Variants in PCSK5 observed in about 807,000 individuals in gnomAD.
The protein encoded by PCSK5 is proprotein convertase subtilisin/kexin type 5.
A neutral mutation model predicts 233.2 loss-of-function variants in PCSK5; 129 were observed. The observed-to-expected ratio is 0.55, with a 90% CI of 0.48 to 0.64. The LOEUF is 0.64. Ranked by LOEUF, PCSK5 falls within the 30% of genes least tolerant of loss-of-function variation. The pLI is 0.00. For missense variants in PCSK5, 2,076 were observed against 2,430.1 expected (o/e 0.85, Z 3.06); for synonymous variants, 825 against 879.2 (o/e 0.94, Z 1.09).
rs544636667 is a variant in PCSK5 at position 76,268,624 on chromosome 9, G to A, written c.3143-23609G>A. ...TTTGGGAGGCTGAGGTGGACAGATC[G>A]CTTGAGCCCAGGAGTTTGAGACCCG... On this transcript the variant is annotated intron_variant, in intron 24 of 37. Coordinates refer to ENST00000674117, the MANE Select transcript of PCSK5 (RefSeq NM_001372043.1). Among the ~76,000 whole-genome samples the A allele has an allele frequency of 7.9e-5, 12 of 152,214 alleles. No homozygotes were observed. The East Asian group carries it at 2.1e-3, about 27-fold the overall frequency.
chr9:76,272,546 G>A (rs373955330), intron 24 of PCSK5, among the ~76,000 whole-genome samples: 69 of 151,886 alleles, frequency 4.5e-4, no homozygotes, highest in African/African-American at 1.5e-3. Context: ...AGGCTGAGAC[G>A]GGCGGATCAC....
rs7865581 is a variant in PCSK5, at chr9:76,171,490, C to G, written c.1756+1650C>G. Reference sequence around the variant, plus strand: ...AACGTGACTCTGTTCTTTATTACCACCAGACACCAGAAATTCTACTCTCCA... The same window carrying G: ...AACGTGACTCTGTTCTTTATTACCAGCAGACACCAGAAATTCTACTCTCCA... On this transcript the variant is annotated intron_variant, in intron 13 of 37. Coordinates refer to ENST00000674117, the MANE Select transcript of PCSK5 (RefSeq NM_001372043.1). Among the ~76,000 whole-genome samples the G allele has an allele frequency of 3.4e-3, 520 of 152,326 alleles. 4 individuals carry two copies. The highest frequency in any genetic ancestry group is 0.012 in the African/African-American group (490 of 41,574).
At chr9:76,239,695 C>CAAAAAAAA in intron 23 of PCSK5, among the ~76,000 whole-genome samples, 1 of 111,152 alleles carries the variant, frequency 9.0e-6, no homozygotes, top group Non-Finnish European at 1.8e-5. Flanking sequence ...GACTCCATCT[C>CAAAAAAAA]AAAAAAAAAA....
chr9:76,112,102 A>G (rs1832242314), intron 9 of PCSK5, among the ~76,000 whole-genome samples: 1 of 152,184 alleles, frequency 6.6e-6, no homozygotes, highest in African/African-American at 2.4e-5. Context: ...AAATACAAAA[A>G]TTAAGTTCAT....
chr9:76,172,046 G>T (rs1014837816), intron 13 of PCSK5, among the ~76,000 whole-genome samples: 1 of 152,160 alleles, frequency 6.6e-6, no homozygotes, highest in African/African-American at 2.4e-5. Context: ...TAAGCGAATA[G>T]AAATTCAGTT....
At chr9:76,057,127 A>G (rs1263851889) in intron 5 of PCSK5, among the ~76,000 whole-genome samples, 1 of 152,174 alleles carries the variant, frequency 6.6e-6, no homozygotes, top group Non-Finnish European at 1.5e-5. Context: ...AGTATTCTAG[A>G]TGCTCATACT....
At chr9:76,001,413 GA>G (rs1178031594) in intron 3 of PCSK5, among the ~76,000 whole-genome samples, 2 of 126,296 alleles carry the variant, frequency 1.6e-5, no homozygotes, top group East Asian at 2.6e-4. Context: ...TAGTCCTCCA[GA>G]AAAAAAATCT....
rs77118806 is a variant in PCSK5, at chr9:75,967,528, C to T, written c.298-18604C>T. On this transcript the variant is annotated intron_variant, in intron 2 of 37. Transcript: ENST00000674117. ...GCAGCTATGATGTACCTTAAGGGAACAGCTTTCACAAACAGTCCTTGAGGA... is the reference window on the plus strand; with the variant it reads ...GCAGCTATGATGTACCTTAAGGGAATAGCTTTCACAAACAGTCCTTGAGGA... Among the ~76,000 whole-genome samples the T allele has an allele frequency of 1.4e-4, 21 of 152,290 alleles. No homozygotes were observed. The East Asian group carries it at 4.1e-3, about 29-fold the overall frequency.
chr9:76,084,162 G>A lies in PCSK5; in HGVS notation c.895-11728G>A, dbSNP rs557911424. On this transcript the variant is annotated intron_variant, in intron 7 of 37. Coordinates refer to ENST00000674117, the MANE Select transcript of PCSK5 (RefSeq NM_001372043.1). ...TAACAAAGCTAAGACTTGGTTTGCC[G>A]AGTGTACCCAATATAATATCATCCA... Among the ~76,000 whole-genome samples, 20 of 152,266 alleles carry A rather than the reference G, an allele frequency of 1.3e-4. No homozygotes were observed. The South Asian group carries it at 2.1e-3, about 16-fold the overall frequency.
At position 76,180,764 on chromosome 9, in the gene PCSK5, A is replaced by G. The variant is rs368604769; in HGVS notation, c.2004-634A>G. The stretch of plus-strand genomic sequence containing the variant: ...TTTAAATTCCTTAAGAGAAAGGAGG[A>G]CTTTGGCTATCTCCCAGCCTCTGTT... On this transcript the variant is annotated intron_variant, in intron 15 of 37. Transcript: ENST00000674117. 3.9e-5 allele frequency among the ~76,000 whole-genome samples: 6 copies of G among 152,254 alleles called. No homozygotes were observed. The East Asian group carries it at 5.8e-4, about 15-fold the overall frequency.
intron 20 of PCSK5, among the ~76,000 whole-genome samples, chr9:76,197,660 A>G (rs1240797777): frequency 6.6e-6 from 1 of 152,074 alleles, no homozygotes; most frequent in East Asian, 1.9e-4. Context: ...CAGAAATTGC[A>G]TATTGGAGGC....
chr9:75,907,864 G>T (rs1283605001), intron 1 of PCSK5, among the ~76,000 whole-genome samples: 1 of 152,170 alleles, frequency 6.6e-6, no homozygotes, highest in East Asian at 1.9e-4. Flanking sequence ...AAAACAGTCA[G>T]GTTTGGTGCG....
At chr9:76,214,269 T>C (rs1332311611) in intron 20 of PCSK5, among the ~76,000 whole-genome samples, 5 of 150,950 alleles carry the variant, frequency 3.3e-5, no homozygotes, top group Admixed American at 2.7e-4. Flanking sequence ...TAGGATTGCA[T>C]GTTTGACTTT....
At chr9:76,157,312 G>A (rs898706339) in intron 11 of PCSK5, 150 bp downstream of exon 11, 1 of 619,394 alleles carries the variant, frequency 1.6e-6, no homozygotes, top group East Asian at 2.7e-5. Flanking sequence ...AGAACGGCTA[G>A]GATTCTGAGC....
chr9:76,272,769 A>G (rs1306854218), intron 24 of PCSK5, among the ~76,000 whole-genome samples: 1 of 88,464 alleles, frequency 1.1e-5, no homozygotes, highest in Non-Finnish European at 2.1e-5. Flanking sequence ...GTGAGACTCC[A>G]TCTCAAAAAA....
At position 76,067,256 on chromosome 9, in the gene PCSK5, AT is replaced by A. The variant is rs778354477; in HGVS notation, c.633-692del. Among the ~76,000 whole-genome samples, 5 of 152,316 alleles carry A rather than the reference AT, an allele frequency of 3.3e-5. No individual in the cohort carries two copies. In the East Asian group the frequency reaches 7.7e-4, roughly 23 times the overall value. ...ACAGAGAATGCTTTTTCTGTAAATAATTTTTTTAATTTTCTAGTATCCACAT... is the reference window on the plus strand; with the variant it reads ...ACAGAGAATGCTTTTTCTGTAAATAATTTTTTAATTTTCTAGTATCCACAT... On this transcript the variant is annotated intron_variant, in intron 5 of 37. Coordinates refer to ENST00000674117, the MANE Select transcript of PCSK5 (RefSeq NM_001372043.1).
intron 21 of PCSK5, among the ~76,000 whole-genome samples, chr9:76,230,322 TGG>T (rs1467832889): frequency 2.6e-5 from 4 of 152,184 alleles, no homozygotes; most frequent in Non-Finnish European, 4.4e-5. Context: ...ATGGAGGGAA[TGG>T]TTTAAAGCAT....
chr9:76,143,728 C>CT (rs11382449), intron 10 of PCSK5, among the ~76,000 whole-genome samples: 48,277 of 141,860 alleles, frequency 0.34, 8,404 homozygotes, highest in African/African-American at 0.45. Context: ...CTACATCCCA[C>CT]TTTTTTTTTT....
chr9:76,332,963 G>A (rs1309588938), intron 34 of PCSK5, among the ~76,000 whole-genome samples: 4 of 152,190 alleles, frequency 2.6e-5, no homozygotes, highest in Non-Finnish European at 5.9e-5. Flanking sequence ...GATCACTTAA[G>A]GCAGGAGTTT....
Sources: allele counts gnomAD v4.1 joint callset (sites outside exome capture counted in the v4.1 genomes callset), GRCh38; gene constraint gnomAD v4.1.1; transcripts MANE v1.5; gene names NCBI Gene and HGNC (gene_info 2026-07-23, HGNC 2026-07-21).